The following ZMYM2 variants were observed in gnomAD, a reference collection of about 807,000 sequenced individuals.
The protein encoded by ZMYM2 is zinc finger MYM-type protein 2.
Under a neutral mutation model 162.8 loss-of-function variants are expected in ZMYM2, and 56 were observed. The observed-to-expected ratio is 0.34, with a 90% CI of 0.28 to 0.43. The LOEUF (loss-of-function observed/expected upper bound fraction) is 0.43, where lower values mean the gene tolerates loss of function less well. Among genes scored for constraint, ZMYM2 ranks in the 20% least tolerant of loss-of-function variants. The probability of loss-of-function intolerance (pLI) is 1.00; values close to 1 mark genes in which losing one functional copy is unlikely to be tolerated. For missense variants in ZMYM2, 1,275 were observed against 1,621.8 expected, an observed-to-expected ratio of 0.79 and a Z score of 3.67; for synonymous variants, 510 against 541.6, an observed-to-expected ratio of 0.94 and a Z score of 0.81.
Position 20,068,424 on chromosome 13 carries a change from T to C in ZMYM2, c.3453+1034T>C, listed in dbSNP as rs1395049035. 3 of 163,242 alleles carry C rather than the reference T, an allele frequency of 1.8e-5. No homozygotes were observed. The Admixed American group carries it at 1.9e-4, about 11-fold the overall frequency. The allele number at this position is 163,242 out of a possible 1,614,324, so 10.1% of individuals were successfully genotyped here. A position where few individuals can be genotyped will look rare whatever the true frequency, so the allele number is the denominator to read the frequency against. ...CGTCCATAGAACATTAACCATAGAA[T>C]TTACTATAGAATTGTTAATGTTTCT... On this transcript the variant is annotated intron_variant, in intron 21 of 24. Coordinates refer to ENST00000610343, the MANE Select transcript of ZMYM2 (RefSeq NM_197968.4).
At chr13:19,982,278 TGTC>T (rs1255331229) in intron 2 of ZMYM2, among the ~76,000 whole-genome samples, 1 of 120,678 alleles carries the variant, frequency 8.3e-6, no homozygotes, top group Non-Finnish European at 1.6e-5. Flanking sequence ...GTCTATTAGC[TGTC>T]TTTTTTTTTT....
At chr13:19,922,267 GTTGC>G in the ZMYM2 span, among the ~76,000 whole-genome samples, 1 of 152,124 alleles carries the variant, frequency 6.6e-6, no homozygotes, top group South Asian at 2.1e-4. Flanking sequence ...CGGATACAAA[GTTGC>G]TTGTCAGGAA....
At chr13:20,011,153 G>GAA (rs1188022760) in intron 6 of ZMYM2, among the ~76,000 whole-genome samples, 9 of 152,066 alleles carry the variant, frequency 5.9e-5, no homozygotes, top group African/African-American at 1.9e-4. Context: ...TCATTCTATA[G>GAA]TGCTATGGAA....
the ZMYM2 span, among the ~76,000 whole-genome samples, chr13:19,928,378 C>T: frequency 1.3e-5 from 2 of 152,066 alleles, no homozygotes; most frequent in Non-Finnish European, 2.9e-5. Flanking sequence ...AAATATCTTC[C>T]ATCAGATTGT....
chr13:20,067,106 T>C, intron 20 of ZMYM2, 87 bp downstream of exon 20: 1 of 1,415,200 alleles, frequency 7.1e-7, no homozygotes, highest in Non-Finnish European at 9.4e-7. Flanking sequence ...AAAACATAAA[T>C]GTAACTTAAA....
upstream of ZMYM2, among the ~76,000 whole-genome samples, chr13:19,954,236 C>T (rs1476228298): frequency 6.8e-6 from 1 of 147,702 alleles, no homozygotes; most frequent in Non-Finnish European, 1.5e-5. Flanking sequence ...TCACGTCATC[C>T]TCCTGCCTCA....
At chr13:19,904,258 T>A in the ZMYM2 span, among the ~76,000 whole-genome samples, 2 of 152,158 alleles carry the variant, frequency 1.3e-5, no homozygotes, top group African/African-American at 2.4e-5. Context: ...ACTGGTTTTT[T>A]AAAAAATAAT....
At chr13:19,901,675 C>T in the ZMYM2 span, among the ~76,000 whole-genome samples, 1 of 152,114 alleles carries the variant, frequency 6.6e-6, no homozygotes, top group Non-Finnish European at 1.5e-5. Flanking sequence ...CGGGGTTTCA[C>T]CATCTTGGCC....
At chr13:20,083,096 C>G in intron 23 of ZMYM2, 64 bp downstream of exon 23, 6 of 1,454,198 alleles carry the variant, frequency 4.1e-6, no homozygotes, top group Non-Finnish European at 5.5e-6. Context: ...GAGTTTCACT[C>G]TTGTTGCCCA....
chr13:20,007,774 C>T (rs1387178969), intron 6 of ZMYM2, among the ~76,000 whole-genome samples: 2 of 151,916 alleles, frequency 1.3e-5, no homozygotes, highest in African/African-American at 4.8e-5. Flanking sequence ...GCGTGCACCA[C>T]CACGCTGAGC....
In ZMYM2 at chr13:20,062,963, T is replaced by C; in HGVS notation, c.3029T>C (p.Phe1010Ser). The change falls in exon 18 of 25, where the codon TTT becomes TCT. Residue 1010 changes from phenylalanine to serine, a missense_variant. Phe to Ser is a radical substitution (Grantham distance 155). Transcript: ENST00000610343. ...CCAGATTTGGATATCGAAATAGATT[T>C]TCCCAGAGGTACTCAAAACCTTTAT... ...YEPDLDIEID[F>S]PRAAEELDME... 1 of 1,600,142 alleles carries C rather than the reference T, an allele frequency of 6.2e-7. No individual in the cohort carries two copies. The highest frequency in any genetic ancestry group is 8.5e-7 in the Non-Finnish European group (1 of 1,172,926).
chr13:20,001,394 GA>G (rs61504250), intron 3 of ZMYM2, among the ~76,000 whole-genome samples: 58,307 of 109,382 alleles, frequency 0.53, 13,027 homozygotes, highest in East Asian at 0.66. Flanking sequence ...TGTCTCAAAA[GA>G]AAAAAAAAAA....
At chr13:20,076,520 C>T (rs1957514876) in intron 21 of ZMYM2, among the ~76,000 whole-genome samples, 1 of 150,066 alleles carries the variant, frequency 6.7e-6, no homozygotes, top group African/African-American at 2.5e-5. Flanking sequence ...GTGAATTGCC[C>T]CATCGTTTAT....
intron 21 of ZMYM2, 33 bp downstream of exon 21, chr13:20,067,423 CATT>C (rs779651733): frequency 6.5e-7 from 1 of 1,547,744 alleles, no homozygotes; most frequent in African/African-American, 1.4e-5. Flanking sequence ...TCAAGTATAA[CATT>C]AATAAGAAAA....
the ZMYM2 span, among the ~76,000 whole-genome samples, chr13:19,926,633 G>C: frequency 6.6e-6 from 1 of 152,000 alleles, no homozygotes; most frequent in African/African-American, 2.4e-5. Context: ...CAAAGCGCTG[G>C]GATTACAGGC....
rs761666735 is a variant in ZMYM2, at chr13:19,993,532, G to T, written c.460G>T (p.Asp154Tyr). Residue 154 changes from aspartate to tyrosine, a missense_variant, in exon 3 of 25, where the codon GAT becomes TAT. Asp to Tyr is a radical substitution (Grantham distance 160). Transcript: ENST00000610343. ...PETKNRTNDV[D>Y]FSTSSFSRSK... ...GACTAAAAACAGAACCAATGATGTG[G>T]ATTTCTCCACTTCCAGTTTTTCAAG... 1.9e-6 allele frequency: 3 copies of T among 1,613,858 alleles called. No individual in the cohort carries two copies. In the East Asian group the frequency reaches 6.7e-5, roughly 36 times the overall value.
the ZMYM2 span, among the ~76,000 whole-genome samples, chr13:19,883,698 T>C: frequency 6.6e-6 from 1 of 152,224 alleles, no homozygotes; most frequent in Non-Finnish European, 1.5e-5. Flanking sequence ...CCCTATGAAT[T>C]AAACATGTGT....
intron 21 of ZMYM2, chr13:20,070,290 G>C (rs750449824): frequency 4.7e-4 from 99 of 211,808 alleles, no homozygotes; most frequent in Non-Finnish European, 9.4e-4. Flanking sequence ...TTATCAATCT[G>C]ACTTTCTGGC....
chr13:20,056,423 A>C (rs915315076), intron 14 of ZMYM2, among the ~76,000 whole-genome samples: 1 of 152,144 alleles, frequency 6.6e-6, no homozygotes, highest in Non-Finnish European at 1.5e-5. Context: ...AGTTCTTTTC[A>C]TGCCCCCAAA....
Sources: gnomAD v4.1 joint callset for allele counts (sites outside exome capture counted in the v4.1 genomes callset) on GRCh38, gnomAD v4.1.1 for gene constraint, MANE v1.5 for transcripts, NCBI Gene and HGNC (gene_info 2026-07-23, HGNC 2026-07-21) for gene names.